The following ERCC5 variants were observed in gnomAD, a reference collection of about 807,000 sequenced individuals.
The protein encoded by ERCC5 is ERCC excision repair 5, endonuclease, also known as DNA excision repair protein ERCC-5.
Under a neutral mutation model 105.6 loss-of-function variants are expected in ERCC5, and 68 were observed. The observed-to-expected ratio is 0.64, with a 90% CI of 0.53 to 0.79. The LOEUF (loss-of-function observed/expected upper bound fraction) is 0.79, where lower values mean the gene tolerates loss of function less well. Among genes scored for constraint, ERCC5 ranks in the 30% least tolerant of loss-of-function variants. The pLI is 0.00. For missense variants in ERCC5, 1,373 were observed against 1,426.7 expected (o/e 0.96, Z 0.61); for synonymous variants, 546 against 526.2 (o/e 1.04, Z -0.51).
chr13:102,853,932 G>A, intron 3 of ERCC5, 60 bp downstream of exon 3: 2 of 1,467,874 alleles, frequency 1.4e-6, no homozygotes, highest in Non-Finnish European at 1.9e-6. Flanking sequence ...TTTTTGTCTT[G>A]ATTTCCTGCG....
chr13:102,868,613 AG>A (rs1230899747), intron 12 of ERCC5, among the ~76,000 whole-genome samples: 2 of 152,278 alleles, frequency 1.3e-5, no homozygotes, highest in Admixed American at 6.5e-5. Context: ...CATACCCTCA[AG>A]GACTCCCCCC....
chr13:102,849,708 C>T (rs754092263), intron 1 of ERCC5, among the ~76,000 whole-genome samples: 2 of 152,122 alleles, frequency 1.3e-5, no homozygotes, highest in East Asian at 3.8e-4. Context: ...GCACAAATTG[C>T]CCGGGCAAGC....
At chr13:102,852,633 C>G (rs1378018489) in intron 2 of ERCC5, among the ~76,000 whole-genome samples, 2 of 152,204 alleles carry the variant, frequency 1.3e-5, no homozygotes, top group African/African-American at 2.4e-5. Context: ...TGGAAACCCT[C>G]TTTTGGGAAG....
intron 12 of ERCC5, among the ~76,000 whole-genome samples, chr13:102,869,844 G>A (rs933019855): frequency 2.6e-5 from 4 of 152,064 alleles, no homozygotes; most frequent in African/African-American, 2.4e-5. Flanking sequence ...GTTCATAGAC[G>A]GTTTGTGTTT....
In ERCC5 at chr13:102,866,674, A is replaced by G. The variant is rs746690408; in HGVS notation, c.2362A>G (p.Met788Val). The G allele has an allele frequency of 2.5e-5, 41 of 1,613,992 alleles. No individual in the cohort carries two copies. Among genetic ancestry groups the G allele is most frequent in the Non-Finnish European group, 3.5e-5 (41 of 1,180,036 alleles). ...CGGCATTCCCTACATCCAGGCTCCC[A>G]TGGAAGCAGAGGCGCAGTGCGCCAT... ...LFGIPYIQAPMEAEAQCAILD... is the reference protein window; with the variant it reads ...LFGIPYIQAPVEAEAQCAILD... Residue 788 changes from methionine to valine, a missense_variant, in exon 11 of 15, where the codon ATG becomes GTG. This residue lies in a region of ERCC5 where 1,004 missense variants were observed against 1,059.7 expected (regional missense o/e 0.95). Coordinates refer to ENST00000652225, the MANE Select transcript of ERCC5 (RefSeq NM_000123.4).
intron 6 of ERCC5, 131 bp downstream of exon 6, chr13:102,858,549 C>T: frequency 7.9e-7 from 1 of 1,268,580 alleles, no homozygotes; most frequent in Non-Finnish European, 1.1e-6. Flanking sequence ...ATTTCTACAT[C>T]TCAGATTCTA....
At chr13:102,868,649 C>G (rs926317995) in intron 12 of ERCC5, among the ~76,000 whole-genome samples, 1 of 152,216 alleles carries the variant, frequency 6.6e-6, no homozygotes, top group Non-Finnish European at 1.5e-5. Flanking sequence ...GATGGAGAAG[C>G]AAAGCAAATT....
chr13:102,861,985 A>G (rs1229278300), intron 7 of ERCC5, 45 bp from the exon 8 acceptor site: 2 of 1,608,806 alleles, frequency 1.2e-6, no homozygotes, highest in Non-Finnish European at 1.7e-6. Flanking sequence ...GCGTATTGTC[A>G]CACTGTAAAA....
Position 102,875,409 on chromosome 13 carries a change from CT to C in ERCC5, c.3068del (p.Leu1023GlnfsTer12), listed in dbSNP as rs2140543082. The C allele has an allele frequency of 6.2e-7, 1 of 1,614,036 alleles. No individual in the cohort carries two copies. Among genetic ancestry groups the C allele is most frequent in the East Asian group, 2.2e-5 (1 of 44,886 alleles). ...ACTAAACAGAGCTGTGACATGTATG[CT>C]AAGGAAAGAGAAAGAAGCAGCAGCC... ...QRLNRAVTCM[L>X]RKEKEAAASE... On this transcript the variant is annotated frameshift_variant, in exon 15 of 15. Coordinates refer to ENST00000652225, the MANE Select transcript of ERCC5 (RefSeq NM_000123.4). LOFTEE classifies it low-confidence loss of function (END_TRUNC).
intron 2 of ERCC5, among the ~76,000 whole-genome samples, chr13:102,853,321 A>G (rs4150267): frequency 0.024 from 3,613 of 152,340 alleles, 114 homozygotes; most frequent in African/African-American, 0.077. Flanking sequence ...ACATTTTAGA[A>G]TTTCTCATGA....
intron 4 of ERCC5, 118 bp from the exon 5 acceptor site, chr13:102,855,934 G>A: frequency 1.0e-6 from 1 of 979,578 alleles, no homozygotes; most frequent in African/African-American, 1.6e-5. Flanking sequence ...TAGTGGCACA[G>A]ATCTTGCTGT....
rs2140543780 is a variant in ERCC5, at chr13:102,875,686, G to A, written c.3344G>A (p.Arg1115Lys). The change falls in exon 15 of 15, where the codon AGG (arginine) becomes AAG (lysine). Residue 1115 changes from arginine (R) to lysine (K), a missense_variant. Physicochemically the swap from Arg to Lys is conservative, Grantham distance 26. Transcript: ENST00000652225. ...AESSSLMNVQ[R>K]RTAAKEPKTS... ...AGTTCATCTTTAATGAATGTACAAA[G>A]GAGAACAGCTGCGAAAGAGCCAAAA... 11 of 1,614,166 alleles carry A rather than the reference G, an allele frequency of 6.8e-6. No homozygotes were observed. The highest frequency in any genetic ancestry group is 6.6e-5 in the South Asian group (6 of 91,092).
rs2140543199 is a variant in ERCC5 at position 102,875,468 on chromosome 13, G to A, written c.3126G>A (p.Glu1042=). The change falls in exon 15 of 15, where the codon GAG becomes GAA. Residue 1042 remains glutamate (E), a synonymous_variant. Coordinates refer to ENST00000652225, the MANE Select transcript of ERCC5 (RefSeq NM_000123.4). ...TAGAAGCAGTTTCTGTTGCCATGGAGAAAGAATTTGAGCTACTTGATAAGG... is the reference window on the plus strand; with the variant it reads ...TAGAAGCAGTTTCTGTTGCCATGGAAAAAGAATTTGAGCTACTTGATAAGG... ...SEIEAVSVAM[E]KEFELLDKAK... is the part of the protein sequence containing the mutation. 3 of 1,614,156 alleles carry A rather than the reference G, an allele frequency of 1.9e-6. No individual in the cohort carries two copies. Among genetic ancestry groups the A allele is most frequent in the Non-Finnish European group, 2.5e-6 (3 of 1,180,014 alleles).
At chr13:102,872,449 T>A in intron 13 of ERCC5, 51 bp downstream of exon 13, 2 of 1,604,160 alleles carry the variant, frequency 1.2e-6, no homozygotes, top group East Asian at 4.5e-5. Flanking sequence ...AATATGTGTT[T>A]GGTTTAAAAC....
chr13:102,847,299 T>A, intron 1 of ERCC5, among the ~76,000 whole-genome samples: 1 of 71,926 alleles, frequency 1.4e-5, no homozygotes, highest in African/African-American at 4.0e-5. Flanking sequence ...ATGTAGTCAT[T>A]TTTTTTTTTT....
chr13:102,867,168 C>T (rs1882871449), intron 11 of ERCC5, among the ~76,000 whole-genome samples: 2 of 152,230 alleles, frequency 1.3e-5, no homozygotes, highest in African/African-American at 4.8e-5. Context: ...GTTTCTGGCA[C>T]TGATCTTCTT....
At chr13:102,872,100 A>G in intron 12 of ERCC5, 98 bp from the exon 13 acceptor site, 1 of 1,402,178 alleles carries the variant, frequency 7.1e-7, no homozygotes, top group Non-Finnish European at 9.9e-7. Flanking sequence ...TTTGAGTTAG[A>G]ACTTGAGTTT....
intron 6 of ERCC5, among the ~76,000 whole-genome samples, chr13:102,859,963 A>G (rs1249371009): frequency 2.0e-5 from 3 of 152,234 alleles, no homozygotes; most frequent in Non-Finnish European, 4.4e-5. Flanking sequence ...TTCTGAGTAG[A>G]GTGATGAAAT....
At position 102,866,314 on chromosome 13, in the gene ERCC5, A is replaced by G; in HGVS notation, c.2252A>G (p.Lys751Arg). The G allele has an allele frequency of 6.2e-7, 1 of 1,614,234 alleles. No homozygotes were observed. The highest frequency in any genetic ancestry group is 2.2e-5 in the East Asian group (1 of 44,884). ...SNLLAQQNSL[K>R]AQKQQQERIA... is the part of the protein sequence containing the mutation. ...CTCTTAGCACAGCAGAATTCACTGA[A>G]AGCTCAAAAACAGCAGCAAGAACGG... The change falls in exon 10 of 15, where the codon AAA becomes AGA. Residue 751 changes from lysine to arginine, a missense_variant. Transcript: ENST00000652225.
Sources: allele counts gnomAD v4.1 joint callset (sites outside exome capture counted in the v4.1 genomes callset), GRCh38; gene constraint gnomAD v4.1.1; regional missense constraint gnomAD v4.1.1; transcripts MANE v1.5; gene names NCBI Gene and HGNC (gene_info 2026-07-23, HGNC 2026-07-21).